CPNE1: variants seen among roughly 807,000 people sequenced by gnomAD.
CPNE1 encodes copine 1, also known as copine-1.
A neutral mutation model predicts 63.2 loss-of-function variants in CPNE1; 58 were observed. That is an observed-to-expected ratio of 0.92 (90% confidence interval 0.74 to 1.14). The LOEUF (loss-of-function observed/expected upper bound fraction) is 1.14. Ranked by LOEUF, CPNE1 falls within the 50% of genes most tolerant of loss-of-function variation. The pLI is 0.00. For synonymous variants in CPNE1, 237 were observed against 249.0 expected (o/e 0.95, Z 0.45); for missense variants, 672 against 661.7 (o/e 1.02, Z -0.17).
chr20:35,629,146 T>TA (rs2031960673), intron 13 of CPNE1, among the ~76,000 whole-genome samples: 1 of 152,202 alleles, frequency 6.6e-6, no homozygotes, highest in Non-Finnish European at 1.5e-5. Flanking sequence ...ACAAATGTGG[T>TA]AAAATGTTAT....
intron 1 of CPNE1, among the ~76,000 whole-genome samples, chr20:35,644,884 A>G (rs1231741667): frequency 1.3e-5 from 2 of 152,200 alleles, no homozygotes; most frequent in Non-Finnish European, 2.9e-5. Flanking sequence ...AATAAATTTT[A>G]AGTAGCAAGC....
intron 1 of CPNE1, among the ~76,000 whole-genome samples, chr20:35,645,212 A>C (rs2033037899): frequency 6.6e-6 from 1 of 152,150 alleles, no homozygotes; most frequent in African/African-American, 2.4e-5. Flanking sequence ...AAACCTACCT[A>C]TTGTTCATAA....
At chr20:35,650,400 TTC>T (rs572721196) in intron 1 of CPNE1, 21 of 152,660 alleles carry the variant, frequency 1.4e-4, no homozygotes, top group Non-Finnish European at 2.5e-4. Flanking sequence ...ATAAAAGACT[TTC>T]ATCTTCAAAC....
At chr20:35,642,238 T>C (rs1262093770) in intron 1 of CPNE1, among the ~76,000 whole-genome samples, 1 of 152,178 alleles carries the variant, frequency 6.6e-6, no homozygotes, top group East Asian at 1.9e-4. Context: ...TCCTTAACAC[T>C]TCCCTCTTCC....
intron 1 of CPNE1, among the ~76,000 whole-genome samples, chr20:35,648,053 A>G (rs1404666358): frequency 1.3e-5 from 2 of 148,376 alleles, no homozygotes; most frequent in African/African-American, 5.1e-5. Context: ...CAACAGATAC[A>G]GACTCCATCT....
At chr20:35,657,746 T>C (rs1462595115) in intron 1 of CPNE1, among the ~76,000 whole-genome samples, 1 of 152,216 alleles carries the variant, frequency 6.6e-6, no homozygotes, top group Non-Finnish European at 1.5e-5. Context: ...AAAAATTGTT[T>C]CTAGCTTCCA....
intron 1 of CPNE1, chr20:35,658,947 G>T: frequency 1.4e-6 from 1 of 716,902 alleles, no homozygotes; most frequent in Non-Finnish European, 2.6e-6. Flanking sequence ...AACAAGAGAT[G>T]AATTTCCTTA....
In CPNE1 at chr20:35,632,577, GT is replaced by G. The variant is rs753053179; in HGVS notation, c.248del (p.Asn83ThrfsTer6). 1.7e-5 allele frequency: 28 copies of G among 1,613,686 alleles called. No individual in the cohort carries two copies. Among genetic ancestry groups the G allele is most frequent in the Non-Finnish European group, 1.6e-5 (19 of 1,179,682 alleles). On this transcript the variant is annotated frameshift_variant, in exon 3 of 16. Coordinates refer to ENST00000397443, the MANE Select transcript of CPNE1 (RefSeq NM_152925.3). LOFTEE classifies it high-confidence loss of function. ...CATCATCCCTCAGCTCTGGCGTCTT[GT>G]TGTCTATGTCATAGATTCCAAAGCG... ...KLRFGIYDIDNKTPELRDDDF... is the reference protein window; with the variant it reads ...KLRFGIYDIDXKTPELRDDDF...
intron 1 of CPNE1, chr20:35,654,913 G>A: frequency 6.2e-7 from 1 of 1,614,166 alleles, no homozygotes; most frequent in Non-Finnish European, 8.5e-7. Flanking sequence ...AACAGAAGTG[G>A]TGGCAGTAAC....
rs2031733974 is a variant in CPNE1 at position 35,626,312 on chromosome 20, C to A, written c.1543G>T (p.Ala515Ser). ...GGCTTGAGCGGGGCCCAACCCTGGGCCCTGAAGTATGAGACCAGTTGTGTG... is the reference window on the plus strand; with the variant it reads ...GGCTTGAGCGGGGCCCAACCCTGGGACCTGAAGTATGAGACCAGTTGTGTG... The part of the protein sequence containing the change: ...VPTQLVSYFR[A>S]QGWAPLKPLP... Residue 515 changes from alanine to serine, a missense_variant, in exon 16 of 16, where the codon GCC (alanine) becomes TCC (serine). By Grantham distance (99) the Ala-to-Ser change is moderately conservative (BLOSUM62 1). Coordinates refer to ENST00000397443, the MANE Select transcript of CPNE1 (RefSeq NM_152925.3). 6.2e-7 allele frequency: 1 copy of A among 1,613,978 alleles called. No individual in the cohort carries two copies. Among genetic ancestry groups the A allele is most frequent in the South Asian group, 1.1e-5 (1 of 91,082 alleles).
At chr20:35,633,033 T>G in intron 1 of CPNE1, 110 bp from the exon 2 acceptor site, 1 of 759,600 alleles carries the variant, frequency 1.3e-6, no homozygotes. Flanking sequence ...GGGCTGAGCA[T>G]ACGTCCACCC....
chr20:35,629,603 T>C (rs936746993), intron 13 of CPNE1, among the ~76,000 whole-genome samples: 1 of 152,034 alleles, frequency 6.6e-6, no homozygotes, highest in African/African-American at 2.4e-5. Flanking sequence ...TTTAGTCTTA[T>C]GAAACCAAAG....
At chr20:35,656,015 A>T (rs1231745994) in intron 1 of CPNE1, among the ~76,000 whole-genome samples, 2 of 152,324 alleles carry the variant, frequency 1.3e-5, no homozygotes, top group East Asian at 3.9e-4. Context: ...AACAAGGTTA[A>T]GACATACTAA....
intron 1 of CPNE1, among the ~76,000 whole-genome samples, chr20:35,660,896 C>T (rs2146378431): frequency 6.6e-6 from 1 of 152,284 alleles, no homozygotes; most frequent in East Asian, 1.9e-4. Flanking sequence ...GCCAGTTAAG[C>T]TCAAAGGGAA....
intron 1 of CPNE1, chr20:35,653,317 C>A: frequency 6.2e-7 from 1 of 1,613,844 alleles, no homozygotes; most frequent in Non-Finnish European, 8.5e-7. Context: ...CAGGCCTGCA[C>A]CGGGAAGTCC....
chr20:35,645,445 T>C (rs1308720538), intron 1 of CPNE1, among the ~76,000 whole-genome samples: 1 of 152,208 alleles, frequency 6.6e-6, no homozygotes, highest in South Asian at 2.1e-4. Flanking sequence ...GGTATAGGAA[T>C]GTACCTAGTA....
At chr20:35,663,807 T>C (rs1013856297) in intron 1 of CPNE1, among the ~76,000 whole-genome samples, 2 of 152,152 alleles carry the variant, frequency 1.3e-5, no homozygotes, top group African/African-American at 4.8e-5. Flanking sequence ...ACCCCGTCAC[T>C]AACCTGTAGA....
intron 1 of CPNE1, 117 bp from the exon 2 acceptor site, chr20:35,633,040 ACCC>A: frequency 1.4e-6 from 1 of 727,466 alleles, no homozygotes; most frequent in Non-Finnish European, 2.3e-6. Flanking sequence ...GCATACGTCC[ACCC>A]CCGTGACACC....
intron 1 of CPNE1, chr20:35,652,615 G>T: frequency 6.2e-7 from 1 of 1,614,088 alleles, no homozygotes; most frequent in Non-Finnish European, 8.5e-7. Flanking sequence ...AGACTCAAAG[G>T]CCACCATGGC....
Sources: gnomAD v4.1 joint callset for allele counts (sites outside exome capture counted in the v4.1 genomes callset) on GRCh38, gnomAD v4.1.1 for gene constraint, MANE v1.5 for transcripts, NCBI Gene and HGNC (gene_info 2026-07-23, HGNC 2026-07-21) for gene names.